The following RBFOX1 variants were observed in gnomAD, a reference collection of about 807,000 sequenced individuals.
The protein encoded by RBFOX1 is RNA binding fox-1 homolog 1.
In RBFOX1, 8 loss-of-function variants were observed where a neutral mutation model predicts 57.7. The observed-to-expected ratio is 0.14, with a 90% CI of 0.08 to 0.25. The LOEUF is 0.25. RBFOX1 is among the 10% of genes least tolerant of loss of function. The pLI, the probability that RBFOX1 is intolerant of heterozygous loss-of-function variation, is 1.00. For synonymous variants in RBFOX1, 326 were observed against 222.4 expected (o/e 1.47, Z -4.15); for missense variants, 611 against 548.5 (o/e 1.11, Z -1.14).
intron 5 of RBFOX1, among the ~76,000 whole-genome samples, chr16:7,526,001 G>C (rs1302409784): frequency 6.6e-6 from 1 of 152,114 alleles, no homozygotes; most frequent in Non-Finnish European, 1.5e-5. Context: ...GTTGGGAACT[G>C]AGCTGCACAG....
At chr16:6,979,821 A>C (rs1011610483) in intron 3 of RBFOX1, among the ~76,000 whole-genome samples, 7 of 152,160 alleles carry the variant, frequency 4.6e-5, no homozygotes, top group African/African-American at 1.7e-4. Flanking sequence ...CAGAAATGCC[A>C]GATGCACTCA....
chr16:6,083,218 G>A (rs1028351216), intron 1 of RBFOX1, among the ~76,000 whole-genome samples: 17 of 152,178 alleles, frequency 1.1e-4, no homozygotes, highest in Middle Eastern at 3.4e-3. Context: ...GGCCAAGCTG[G>A]TTTTGAACTC....
At chr16:6,169,405 G>T (rs1431015677) in intron 1 of RBFOX1, among the ~76,000 whole-genome samples, 1 of 152,038 alleles carries the variant, frequency 6.6e-6, no homozygotes, top group South Asian at 2.1e-4. Context: ...GAGAGGTTAT[G>T]TCCCTAGAAG....
At chr16:7,487,656 G>C (rs1168234934) in intron 4 of RBFOX1, among the ~76,000 whole-genome samples, 1 of 151,938 alleles carries the variant, frequency 6.6e-6, no homozygotes, top group African/African-American at 2.4e-5. Context: ...CACGCACTGA[G>C]ACCGAGCACC....
intron 4 of RBFOX1, among the ~76,000 whole-genome samples, chr16:7,097,566 C>T (rs886142644): frequency 3.3e-5 from 5 of 152,186 alleles, no homozygotes; most frequent in African/African-American, 1.2e-4. Context: ...AAGCACCTCT[C>T]CATCTGCCTC....
At chr16:6,429,564 C>T (rs186492327) in intron 2 of RBFOX1, among the ~76,000 whole-genome samples, 4 of 152,258 alleles carry the variant, frequency 2.6e-5, no homozygotes, top group Admixed American at 6.5e-5. Context: ...TATGGTTTGG[C>T]TGTGTCCCCA....
chr16:6,434,026 T>C (rs995562969), intron 2 of RBFOX1, among the ~76,000 whole-genome samples: 1 of 151,956 alleles, frequency 6.6e-6, no homozygotes, highest in Non-Finnish European at 1.5e-5. Flanking sequence ...TTATGTATTT[T>C]TCATAGAGAT....
At chr16:6,934,072 G>A (rs975004459) in intron 3 of RBFOX1, among the ~76,000 whole-genome samples, 6 of 152,174 alleles carry the variant, frequency 3.9e-5, no homozygotes, top group South Asian at 2.1e-4. Flanking sequence ...GAGGGTAGGC[G>A]TACGACAGCA....
intron 2 of RBFOX1, among the ~76,000 whole-genome samples, chr16:6,560,788 G>A (rs1447631628): frequency 1.3e-5 from 2 of 152,186 alleles, no homozygotes; most frequent in Non-Finnish European, 2.9e-5. Context: ...TAGACTGTAG[G>A]CCCTAAGAGG....
chr16:7,635,796 TTTTTA>T lies in RBFOX1; in HGVS notation c.757+5122_757+5126del, dbSNP rs1243737303. 1.1e-4 allele frequency among the ~76,000 whole-genome samples: 17 copies of T among 152,226 alleles called. No individual in the cohort carries two copies. The East Asian group carries it at 3.1e-3, about 28-fold the overall frequency. On this transcript the variant is annotated intron_variant, in intron 11 of 15. Transcript: ENST00000550418. ...AGTCATTCAAGCCACTTCTTTTTACTTTTTATTTTATTTATTTATTTTTTTATTTT... is the reference window on the plus strand; with the variant it reads ...AGTCATTCAAGCCACTTCTTTTTACTTTTTATTTATTTATTTTTTTATTTT...
chr16:5,602,414 C>T (rs540482566), downstream of RBFOX1, among the ~76,000 whole-genome samples: 12 of 152,300 alleles, frequency 7.9e-5, no homozygotes, highest in African/African-American at 2.9e-4. Context: ...CAATATCCCT[C>T]AGTAAGGGAT....
chr16:5,954,365 T>C (rs1388106170), intron 4 of RBFOX1, among the ~76,000 whole-genome samples: 1 of 151,810 alleles, frequency 6.6e-6, no homozygotes, highest in Non-Finnish European at 1.5e-5. Flanking sequence ...GTGGAGCAGG[T>C]GGTGCCGGGT....
intron 14 of RBFOX1, among the ~76,000 whole-genome samples, chr16:7,679,231 G>A (rs568046162): frequency 4.3e-4 from 65 of 152,304 alleles, no homozygotes; most frequent in African/African-American, 1.3e-3. Context: ...TAGAAGACAC[G>A]TTTAGGGGAA....
At chr16:7,455,075 G>C (rs898419614) in intron 4 of RBFOX1, among the ~76,000 whole-genome samples, 1 of 152,164 alleles carries the variant, frequency 6.6e-6, no homozygotes, top group African/African-American at 2.4e-5. Context: ...AGGCACAACG[G>C]ATTCGATAGC....
At chr16:6,848,435 G>T (rs1236830955) in intron 3 of RBFOX1, among the ~76,000 whole-genome samples, 2 of 152,262 alleles carry the variant, frequency 1.3e-5, no homozygotes, top group East Asian at 1.9e-4. Context: ...CACTTCTGTT[G>T]ACCACACATG....
rs1004713711 is a variant in RBFOX1 at position 6,096,789 on chromosome 16, C to G, written c.-127+76797C>G. On this transcript the variant is annotated intron_variant, in intron 1 of 15. Coordinates refer to ENST00000550418, the MANE Select transcript of RBFOX1 (RefSeq NM_018723.4). ...TAGATAATACCCTTGATTATCTACC[C>G]TGTGTCAAATACATGAACCCAACTG... is the stretch of plus-strand genomic sequence containing the variant. Among the ~76,000 whole-genome samples the G allele has an allele frequency of 5.9e-5, 9 of 152,336 alleles. No individual in the cohort carries two copies. In the East Asian group the frequency reaches 1.7e-3, roughly 29 times the overall value.
chr16:5,952,977 T>G (rs1408433291), intron 4 of RBFOX1, among the ~76,000 whole-genome samples: 1 of 152,188 alleles, frequency 6.6e-6, no homozygotes, highest in Non-Finnish European at 1.5e-5. Flanking sequence ...GATGTTAATA[T>G]TATCACTAGG....
intron 4 of RBFOX1, among the ~76,000 whole-genome samples, chr16:5,985,902 A>C (rs1054921133): frequency 2.0e-5 from 3 of 152,200 alleles, no homozygotes; most frequent in Admixed American, 2.0e-4. Flanking sequence ...AATGAGGCCA[A>C]GGCAAACCGG....
intron 2 of RBFOX1, among the ~76,000 whole-genome samples, chr16:6,649,882 A>G (rs1161634661): frequency 1.3e-5 from 2 of 152,206 alleles, no homozygotes; most frequent in African/African-American, 4.8e-5. Context: ...GTATTCCAAT[A>G]TACCACACTT....
Sources: gnomAD v4.1 joint callset for allele counts (sites outside exome capture counted in the v4.1 genomes callset) on GRCh38, gnomAD v4.1.1 for gene constraint, MANE v1.5 for transcripts, NCBI Gene and HGNC (gene_info 2026-07-23, HGNC 2026-07-21) for gene names.